Variants in HYDIN observed in about 807,000 individuals in gnomAD.
HYDIN encodes the protein axonemal central pair apparatus protein HYDIN.
Under a neutral mutation model 403.9 loss-of-function variants are expected in HYDIN, and 132 were observed. The observed-to-expected ratio is 0.33, with a 90% CI of 0.28 to 0.38. HYDIN has a LOEUF of 0.38. HYDIN is among the 10% of genes least tolerant of loss of function. The pLI, the probability that HYDIN is intolerant of heterozygous loss-of-function variation, is 1.00. For synonymous variants in HYDIN, 1,202 were observed against 1,891.7 expected (o/e 0.64, Z 9.46); for missense variants, 2,827 against 5,009.5 (o/e 0.56, Z 13.15).
intron 1 of HYDIN, among the ~76,000 whole-genome samples, chr16:71,225,304 T>A (rs1598074568): frequency 6.6e-6 from 1 of 152,326 alleles, no homozygotes; most frequent in East Asian, 1.9e-4. Context: ...GATAAAGGTA[T>A]CTAGGTTGCT....
intron 36 of HYDIN, among the ~76,000 whole-genome samples, chr16:70,968,853 A>C (rs2078659649): frequency 6.6e-6 from 1 of 152,236 alleles, no homozygotes; most frequent in Non-Finnish European, 1.5e-5. Context: ...TATCTTTCAA[A>C]GATTCTAAAG....
At chr16:70,951,033 A>G (rs1230027737) in intron 41 of HYDIN, among the ~76,000 whole-genome samples, 1 of 152,134 alleles carries the variant, frequency 6.6e-6, no homozygotes, top group Non-Finnish European at 1.5e-5. Flanking sequence ...CCAAGAGTTC[A>G]AGACCAGCCT....
chr16:70,885,427 GAGA>G (rs200942919), intron 58 of HYDIN, among the ~76,000 whole-genome samples: 3,724 of 150,334 alleles, frequency 0.025, 138 homozygotes, highest in African/African-American at 0.085. Context: ...CCTGACAGAA[GAGA>G]AGGTTGGAGA....
In HYDIN at chr16:70,870,052, T is replaced by C. The variant is rs2040004533; in HGVS notation, c.11092-1264A>G. Among the ~76,000 whole-genome samples, 2 of 152,312 alleles carry C rather than the reference T, an allele frequency of 1.3e-5. 1 individual carries two copies. The highest frequency in any genetic ancestry group is 4.8e-5 in the African/African-American group (2 of 41,592). On this transcript the variant is annotated intron_variant, in intron 65 of 85. Coordinates refer to ENST00000393567, the MANE Select transcript of HYDIN (RefSeq NM_001270974.2). ...GTTTTAGCAAAGAGACTGGTGGCAT[T>C]TGGCCTTGCCCTAGAGATTTGTGGA...
chr16:71,110,288 GATATAATAA>G (rs1309417286), intron 10 of HYDIN, among the ~76,000 whole-genome samples: 25 of 138,698 alleles, frequency 1.8e-4, no homozygotes, highest in South Asian at 8.9e-4. Context: ...ATATATAATA[GATATAATAA>G]ATATAATAAA....
At chr16:70,936,540 A>T (rs1597365293) in intron 44 of HYDIN, among the ~76,000 whole-genome samples, 2 of 67,472 alleles carry the variant, frequency 3.0e-5, no homozygotes, top group African/African-American at 6.1e-5. Flanking sequence ...GAAAATAAGA[A>T]TTTTTTTTTT....
At chr16:70,895,870 C>G in intron 54 of HYDIN, 111 bp downstream of exon 54, 2 of 1,431,422 alleles carry the variant, frequency 1.4e-6, no homozygotes, top group East Asian at 4.6e-5. Flanking sequence ...TAAAATTGCC[C>G]CATGCCCAAT....
rs2088243435 is a variant in HYDIN, at chr16:71,205,409, T to C, written c.-23-18491A>G. On this transcript the variant is annotated intron_variant, in intron 1 of 85. Transcript: ENST00000393567. ...CTCTCTACAGACGCCTGTGCAAGAC[T>C]GGGAATGAGAGAATCATCCTGTCCC... is the stretch of plus-strand genomic sequence containing the variant. Among the ~76,000 whole-genome samples the C allele has an allele frequency of 2.6e-5, 4 of 152,338 alleles. No homozygotes were observed. The South Asian group carries it at 8.3e-4, about 32-fold the overall frequency.
chr16:70,893,879 C>G (rs2143726939), intron 55 of HYDIN: 1 of 152,640 alleles, frequency 6.6e-6, no homozygotes, highest in Middle Eastern at 3.4e-3. Context: ...CTCTATTCTA[C>G]CAAGCTACTA....
chr16:70,995,201 G>A (rs1427748924), intron 23 of HYDIN, among the ~76,000 whole-genome samples: 2 of 152,146 alleles, frequency 1.3e-5, no homozygotes, highest in African/African-American at 4.8e-5. Context: ...GAAATAGAAC[G>A]CTGGTAGAGT....
At chr16:71,170,546 T>G (rs1431470079) in intron 5 of HYDIN, among the ~76,000 whole-genome samples, 4 of 152,168 alleles carry the variant, frequency 2.6e-5, no homozygotes, top group African/African-American at 9.7e-5. Context: ...TCAGCAAACC[T>G]TGTCTGGATC....
rs188915433 is a variant in HYDIN, at chr16:70,829,600, G to A, written c.14112+18C>T. 1 of 1,603,462 alleles carries A rather than the reference G, an allele frequency of 6.2e-7. No homozygotes were observed. The highest frequency in any genetic ancestry group is 1.1e-5 in the South Asian group (1 of 90,786). ...ACTATGCCAGGAAACCAATGGGGGT[G>A]GGGGGACCTCAGTCTACCTGGTGCT... On this transcript the variant is annotated intron_variant, in intron 81 of 85. Coordinates refer to ENST00000393567, the MANE Select transcript of HYDIN (RefSeq NM_001270974.2).
intron 41 of HYDIN, among the ~76,000 whole-genome samples, chr16:70,944,383 A>T (rs1331191587): frequency 6.6e-6 from 1 of 152,238 alleles, no homozygotes; most frequent in Non-Finnish European, 1.5e-5. Context: ...GCTAGGAAGG[A>T]AATAACCAGG....
intron 19 of HYDIN, among the ~76,000 whole-genome samples, chr16:71,030,126 C>T (rs2080850853): frequency 6.6e-6 from 1 of 152,186 alleles, no homozygotes; most frequent in African/African-American, 2.4e-5. Flanking sequence ...TCCTGGTTCA[C>T]TGTAGCCTCA....
intron 1 of HYDIN, among the ~76,000 whole-genome samples, chr16:71,229,755 A>G (rs554726087): frequency 4.6e-5 from 7 of 152,342 alleles, no homozygotes; most frequent in Admixed American, 1.3e-4. Context: ...AGGGGCATTG[A>G]CTACAATGAG....
chr16:70,837,947 A>AT, intron 76 of HYDIN, 59 bp from the exon 77 acceptor site: 1 of 1,552,188 alleles, frequency 6.4e-7, no homozygotes, highest in South Asian at 1.2e-5. Context: ...AGAGGGGCAG[A>AT]TGCTGTCTCC....
At chr16:70,816,062 T>C (rs2035817239) in intron 84 of HYDIN, among the ~76,000 whole-genome samples, 1 of 152,040 alleles carries the variant, frequency 6.6e-6, no homozygotes, top group South Asian at 2.1e-4. Flanking sequence ...TGAGCTGAGA[T>C]TGCGCCACTG....
chr16:70,823,779 T>G (rs1441598376), intron 83 of HYDIN, among the ~76,000 whole-genome samples: 2 of 150,290 alleles, frequency 1.3e-5, no homozygotes, highest in East Asian at 4.0e-4. Flanking sequence ...TCTTTACTCA[T>G]GCACTGGTCC....
intron 47 of HYDIN, among the ~76,000 whole-genome samples, chr16:70,914,393 C>G (rs1205569789): frequency 6.6e-6 from 1 of 151,688 alleles, no homozygotes; most frequent in Non-Finnish European, 1.5e-5. Context: ...CCTTCATATA[C>G]GATGCTTAGT....
Sources: gnomAD v4.1 joint callset for allele counts (sites outside exome capture counted in the v4.1 genomes callset) on GRCh38, gnomAD v4.1.1 for gene constraint, MANE v1.5 for transcripts, NCBI Gene and HGNC (gene_info 2026-07-23, HGNC 2026-07-21) for gene names.